The following ITPR2 variants were observed in gnomAD, a reference collection of about 807,000 sequenced individuals.
The protein encoded by ITPR2 is inositol 1,4,5-trisphosphate receptor type 2, also known as inositol 1,4,5-trisphosphate-gated calcium channel ITPR2.
A neutral mutation model predicts 317.1 loss-of-function variants in ITPR2; 207 were observed. That is an observed-to-expected ratio of 0.65 (90% CI 0.58 to 0.73). The LOEUF (loss-of-function observed/expected upper bound fraction) is 0.73. ITPR2 is among the 30% of genes least tolerant of loss of function. The pLI is 0.00. For synonymous variants in ITPR2, 1,156 were observed against 1,149.1 expected, an observed-to-expected ratio of 1.01 and a Z score of -0.12; for missense variants, 2,613 against 3,284.0, an observed-to-expected ratio of 0.80 and a Z score of 4.99.
chr12:26,408,088 T>A (rs1469177113), intron 52 of ITPR2, among the ~76,000 whole-genome samples: 1 of 152,226 alleles, frequency 6.6e-6, no homozygotes, highest in African/African-American at 2.4e-5. Context: ...ATTGTGATGA[T>A]CAGTCATACC....
At chr12:26,499,949 T>G (rs1943033301) in intron 37 of ITPR2, among the ~76,000 whole-genome samples, 1 of 152,160 alleles carries the variant, frequency 6.6e-6, no homozygotes, top group South Asian at 2.1e-4. Context: ...AACTTCAGAG[T>G]TTTGTGCTAA....
chr12:26,438,105 AAT>A (rs145789537), intron 47 of ITPR2, among the ~76,000 whole-genome samples: 31,668 of 152,004 alleles, frequency 0.21, 3,766 homozygotes, highest in East Asian at 0.41. Context: ...CTGGCCAGAA[AAT>A]ATATGTTTTT....
intron 49 of ITPR2, among the ~76,000 whole-genome samples, chr12:26,422,730 T>A (rs959107038): frequency 1.3e-5 from 2 of 152,210 alleles, no homozygotes; most frequent in African/African-American, 4.8e-5. Context: ...GATCAAGAAT[T>A]CTATCCCCAT....
At chr12:26,388,287 T>C (rs1939724723) in intron 54 of ITPR2, among the ~76,000 whole-genome samples, 1 of 152,092 alleles carries the variant, frequency 6.6e-6, no homozygotes, top group South Asian at 2.1e-4. Context: ...TGAATAGAGA[T>C]GAAGAAAAAC....
chr12:26,491,351 T>C (rs1159251457), intron 39 of ITPR2, among the ~76,000 whole-genome samples: 1 of 151,050 alleles, frequency 6.6e-6, no homozygotes, highest in African/African-American at 2.4e-5. Flanking sequence ...GGCGTGGTGG[T>C]GGGCACCTGT....
At chr12:26,342,852 G>A (rs1442043690) in intron 55 of ITPR2, among the ~76,000 whole-genome samples, 8 of 151,882 alleles carry the variant, frequency 5.3e-5, no homozygotes, top group East Asian at 1.9e-4. Flanking sequence ...CAAGTGATCC[G>A]CCTGCCTCGG....
At chr12:26,414,046 TATGTACAC>T (rs1446785747) in intron 51 of ITPR2, among the ~76,000 whole-genome samples, 768 of 59,484 alleles carry the variant, frequency 0.013, 7 homozygotes, top group African/African-American at 0.046. Context: ...TACATGTATA[TATGTACAC>T]ACACACACAC....
chr12:26,807,228 C>T (rs772353056), intron 1 of ITPR2, among the ~76,000 whole-genome samples: 5 of 151,882 alleles, frequency 3.3e-5, no homozygotes, highest in Admixed American at 6.6e-5. Context: ...ATTCATTGTT[C>T]GAAAATCCAT....
intron 12 of ITPR2, 103 bp from the exon 13 acceptor site, chr12:26,682,137 A>T (rs1380478586): frequency 2.1e-6 from 2 of 958,502 alleles, no homozygotes; most frequent in South Asian, 1.8e-5. Context: ...ACAAGAATAG[A>T]TCATCCGAAC....
rs372673891 is a variant in ITPR2, at chr12:26,564,199, C to T, written c.4631-2247G>A. Among the ~76,000 whole-genome samples, 12 of 151,984 alleles carry T rather than the reference C, an allele frequency of 7.9e-5. No homozygotes were observed. The South Asian group carries it at 1.7e-3, about 21-fold the overall frequency. On this transcript the variant is annotated intron_variant, in intron 34 of 56. Transcript: ENST00000381340. ...CTTCTAAAAATTAAGCATAAAAGAT[C>T]AAAAAGCAGAATAAAACAGAGAGAC...
intron 32 of ITPR2, among the ~76,000 whole-genome samples, chr12:26,591,164 G>A (rs1586243): frequency 0.52 from 77,713 of 149,968 alleles, 21,108 homozygotes; most frequent in Non-Finnish European, 0.61. Flanking sequence ...GAATGAGAGA[G>A]AATATTTACA....
In ITPR2 at chr12:26,457,200, G is replaced by A. The variant is rs141724752; in HGVS notation, c.6343-13550C>T. Among the ~76,000 whole-genome samples the A allele has an allele frequency of 1.4e-4, 22 of 152,304 alleles. No homozygotes were observed. The East Asian group carries it at 4.2e-3, about 29-fold the overall frequency. ...CAATGAGCACTGGGGGATGGAGGTT[G>A]CCATTTTAAATCAAATGGTTAGAGA... is the stretch of plus-strand genomic sequence containing the variant. On this transcript the variant is annotated intron_variant, in intron 45 of 56. Transcript: ENST00000381340.
intron 52 of ITPR2, among the ~76,000 whole-genome samples, chr12:26,404,392 T>G (rs1940279837): frequency 6.6e-6 from 1 of 152,056 alleles, no homozygotes; most frequent in Non-Finnish European, 1.5e-5. Context: ...GAGAAGACAA[T>G]AAAACATTTT....
chr12:26,445,295 G>A (rs569816842), intron 45 of ITPR2, among the ~76,000 whole-genome samples: 44 of 152,212 alleles, frequency 2.9e-4, no homozygotes, highest in African/African-American at 1.0e-3. Flanking sequence ...GACGAGGAGC[G>A]GGCTGTTGGA....
At chr12:26,719,914 G>T (rs964557073) in intron 5 of ITPR2, among the ~76,000 whole-genome samples, 1 of 151,814 alleles carries the variant, frequency 6.6e-6, no homozygotes, top group East Asian at 1.9e-4. Context: ...TAAAAGTAAA[G>T]AACCCAAGTT....
chr12:26,340,096 C>G, intron 56 of ITPR2, 71 bp downstream of exon 56: 4 of 1,429,946 alleles, frequency 2.8e-6, no homozygotes, highest in Non-Finnish European at 3.7e-6. Context: ...TCCCTGGACC[C>G]TCTGTCTCCC....
At chr12:26,623,311 A>G (rs1946542791) in intron 24 of ITPR2, 1 of 152,168 alleles carries the variant, frequency 6.6e-6, no homozygotes, top group African/African-American at 2.4e-5. Flanking sequence ...CTTTGCCAGC[A>G]TCTCCACGCT....
intron 55 of ITPR2, among the ~76,000 whole-genome samples, chr12:26,386,988 C>A (rs1430416911): frequency 6.6e-6 from 1 of 152,120 alleles, no homozygotes; most frequent in African/African-American, 2.4e-5. Flanking sequence ...CCCATTAGGA[C>A]TGAACATCAT....
chr12:26,659,141 T>G lies in ITPR2; in HGVS notation c.1858A>C (p.Ser620Arg). The G allele has an allele frequency of 1.2e-6, 2 of 1,613,398 alleles. No homozygotes were observed. The highest frequency in any genetic ancestry group is 1.7e-6 in the Non-Finnish European group (2 of 1,179,602). The change falls in exon 16 of 57, where the codon AGT becomes CGT. Residue 620 changes from serine to arginine, a missense_variant. By Grantham distance (110) the Ser-to-Arg change is moderately radical. Coordinates refer to ENST00000381340, the MANE Select transcript of ITPR2 (RefSeq NM_002223.4). The stretch of plus-strand genomic sequence containing the variant: ...GGCTCCCGATTTCTCCTGAGTAAAC[T>G]GACAAATGTTTCTATTTCTTTTGCT... The part of the protein sequence containing the change: ...ITAKEIETFV[S>R]LLRRNREPRF...
Sources: allele counts gnomAD v4.1 joint callset (sites outside exome capture counted in the v4.1 genomes callset), GRCh38; gene constraint gnomAD v4.1.1; transcripts MANE v1.5; gene names NCBI Gene and HGNC (gene_info 2026-07-23, HGNC 2026-07-21).